Variants in SYN3 observed in about 807,000 individuals in gnomAD.
The protein encoded by SYN3 is synapsin III, also known as synapsin-3.
SYN3 carries 35 observed loss-of-function variants against 65.8 expected under a neutral mutation model. That is an observed-to-expected ratio of 0.53 (90% CI 0.41 to 0.70). SYN3 has a LOEUF of 0.70. Ranked by LOEUF, SYN3 falls within the 30% of genes least tolerant of loss-of-function variation. SYN3 has a pLI of 0.00. For missense variants in SYN3, 680 were observed against 749.0 expected, an observed-to-expected ratio of 0.91 and a Z score of 1.08; for synonymous variants, 270 against 292.9, an observed-to-expected ratio of 0.92 and a Z score of 0.80.
At chr22:32,849,395 G>T in intron 6 of SYN3, 2 of 1,523,848 alleles carry the variant, frequency 1.3e-6, no homozygotes, top group Admixed American at 3.5e-5. Flanking sequence ...CTGAGATGCT[G>T]TTCCTGATGT....
At chr22:32,625,499 A>C (rs1024787520) in intron 6 of SYN3, among the ~76,000 whole-genome samples, 2 of 152,208 alleles carry the variant, frequency 1.3e-5, no homozygotes, top group Non-Finnish European at 1.5e-5. Context: ...ATCTCAGTAC[A>C]TGACACGGCC....
chr22:32,799,518 T>A (rs763968241), intron 6 of SYN3, among the ~76,000 whole-genome samples: 7 of 152,136 alleles, frequency 4.6e-5, no homozygotes, highest in Non-Finnish European at 1.0e-4. Flanking sequence ...AGGCCTTCCG[T>A]TGGAGAAAAT....
At chr22:32,543,422 G>A (rs961606579) in intron 7 of SYN3, among the ~76,000 whole-genome samples, 4 of 152,118 alleles carry the variant, frequency 2.6e-5, no homozygotes, top group African/African-American at 9.7e-5. Context: ...CTACCACAAC[G>A]GACCTAAACA....
chr22:32,895,013 C>T (rs1229177675), intron 4 of SYN3, among the ~76,000 whole-genome samples: 4 of 152,130 alleles, frequency 2.6e-5, no homozygotes, highest in South Asian at 2.1e-4. Context: ...ATGAAAATAG[C>T]GGACCATTCA....
At chr22:32,856,590 A>G (rs2048373927) in intron 6 of SYN3, among the ~76,000 whole-genome samples, 1 of 152,236 alleles carries the variant, frequency 6.6e-6, no homozygotes, top group Non-Finnish European at 1.5e-5. Flanking sequence ...TGATATATTC[A>G]AAAATGTATA....
chr22:32,957,883 G>T (rs2051515574), intron 3 of SYN3, among the ~76,000 whole-genome samples: 1 of 152,150 alleles, frequency 6.6e-6, no homozygotes, highest in Admixed American at 6.5e-5. Flanking sequence ...TTCCACAGGG[G>T]CTACCGTGGT....
intron 2 of SYN3, among the ~76,000 whole-genome samples, chr22:32,994,549 G>C (rs1297686982): frequency 1.3e-5 from 2 of 152,188 alleles, no homozygotes; most frequent in Non-Finnish European, 2.9e-5. Context: ...GAGAGCCTTA[G>C]GGGTAGGGGA....
chr22:32,773,374 T>A (rs1380774187), intron 6 of SYN3, among the ~76,000 whole-genome samples: 1 of 129,640 alleles, frequency 7.7e-6, no homozygotes, highest in African/African-American at 3.0e-5. Context: ...GCCACTGCAC[T>A]CCAGTCTGGG....
chr22:32,949,561 C>T (rs762603870), intron 3 of SYN3, among the ~76,000 whole-genome samples: 14 of 152,098 alleles, frequency 9.2e-5, no homozygotes, highest in Non-Finnish European at 1.8e-4. Flanking sequence ...CGCATGCATG[C>T]GTGCACGCAC....
At chr22:32,525,708 CA>C (rs61433898) in intron 12 of SYN3, among the ~76,000 whole-genome samples, 4,697 of 80,312 alleles carry the variant, frequency 0.058, 49 homozygotes, top group Middle Eastern at 0.16. Flanking sequence ...GACTCCGTCT[CA>C]AAAAAAAAAA....
At chr22:32,548,247 G>T (rs2058362358) in intron 7 of SYN3, among the ~76,000 whole-genome samples, 1 of 152,168 alleles carries the variant, frequency 6.6e-6, no homozygotes, top group Non-Finnish European at 1.5e-5. Context: ...CCTGCATGGG[G>T]TTTCACCATG....
At chr22:32,520,102 A>AT (rs1385196316) in intron 12 of SYN3, among the ~76,000 whole-genome samples, 1 of 152,112 alleles carries the variant, frequency 6.6e-6, no homozygotes, top group East Asian at 1.9e-4. Flanking sequence ...GGTGAACATA[A>AT]TTTTAATAGT....
intron 4 of SYN3, among the ~76,000 whole-genome samples, chr22:32,927,630 T>A (rs1352712371): frequency 1.3e-5 from 2 of 152,204 alleles, no homozygotes; most frequent in South Asian, 2.1e-4. Flanking sequence ...TAACTTAATG[T>A]TGTATATTTT....
intron 1 of SYN3, among the ~76,000 whole-genome samples, chr22:33,017,062 T>A (rs1226027118): frequency 6.6e-6 from 1 of 152,228 alleles, no homozygotes; most frequent in Non-Finnish European, 1.5e-5. Context: ...AAGTCTTTAA[T>A]CTATTTTGAG....
At chr22:32,925,448 C>T (rs2050443669) in intron 4 of SYN3, among the ~76,000 whole-genome samples, 1 of 152,230 alleles carries the variant, frequency 6.6e-6, no homozygotes, top group Non-Finnish European at 1.5e-5. Flanking sequence ...TCAAAGTCTG[C>T]CATTCCTGAA....
chr22:32,927,014 T>TG (rs2050491777), intron 4 of SYN3, among the ~76,000 whole-genome samples: 1 of 152,110 alleles, frequency 6.6e-6, no homozygotes, highest in South Asian at 2.1e-4. Flanking sequence ...TGTGGTGGAC[T>TG]GGGGGACACA....
At chr22:33,054,217 C>G (rs2054218658) in intron 1 of SYN3, among the ~76,000 whole-genome samples, 2 of 152,150 alleles carry the variant, frequency 1.3e-5, no homozygotes, top group South Asian at 4.2e-4. Flanking sequence ...ATATTTATAT[C>G]TCCAGCCCAG....
chr22:32,881,090 G>A (rs966561917), intron 4 of SYN3, among the ~76,000 whole-genome samples: 4 of 152,176 alleles, frequency 2.6e-5, no homozygotes, highest in Admixed American at 6.5e-5. Flanking sequence ...GCGCTGGGGC[G>A]GGCCTCCTGC....
intron 4 of SYN3, among the ~76,000 whole-genome samples, chr22:32,918,755 G>A (rs559993711): frequency 9.8e-5 from 15 of 152,300 alleles, no homozygotes; most frequent in East Asian, 9.7e-4. Flanking sequence ...ACTAGCAAGC[G>A]CCGAGCTAGT....
Sources: gnomAD v4.1 joint callset for allele counts (sites outside exome capture counted in the v4.1 genomes callset) on GRCh38, gnomAD v4.1.1 for gene constraint, MANE v1.5 for transcripts, NCBI Gene and HGNC (gene_info 2026-07-23, HGNC 2026-07-21) for gene names.